RFX3: variants seen among roughly 807,000 people sequenced by gnomAD.
RFX3 encodes regulatory factor X3.
A neutral mutation model predicts 98.6 loss-of-function variants in RFX3; 14 were observed. That is an observed-to-expected ratio of 0.14 (90% CI 0.09 to 0.22). The LOEUF is 0.22. RFX3 is among the 10% of genes least tolerant of loss of function. The pLI is 1.00. For missense variants in RFX3, 639 were observed against 926.9 expected (o/e 0.69, Z 4.03); for synonymous variants, 383 against 328.4 (o/e 1.17, Z -1.80).
At chr9:3,369,388 C>T (rs143751143) in intron 2 of RFX3, among the ~76,000 whole-genome samples, 15 of 152,282 alleles carry the variant, frequency 9.9e-5, no homozygotes, top group Non-Finnish European at 1.8e-4. Context: ...ATCCTCATAA[C>T]CTAATCATTT....
chr9:3,364,407 C>G (rs1587327043), intron 2 of RFX3: 1 of 231,176 alleles, frequency 4.3e-6, no homozygotes, highest in African/African-American at 2.4e-5. Flanking sequence ...AATGGGCGGT[C>G]TTTTTCTTCA....
chr9:3,270,851 A>C, intron 10 of RFX3, 152 bp downstream of exon 10: 1 of 1,024,768 alleles, frequency 9.8e-7, no homozygotes, highest in East Asian at 2.6e-5. Context: ...TCAAGAGAGC[A>C]GTTCATGGTT....
Position 3,346,738 on chromosome 9 carries a change from C to T in RFX3, c.144G>A (p.Gln48=). 6.2e-7 allele frequency: 1 copy of T among 1,613,510 alleles called. No homozygotes were observed. The highest frequency in any genetic ancestry group is 8.5e-7 in the Non-Finnish European group (1 of 1,179,518). The change falls in exon 3 of 17, where the codon CAG becomes CAA. Residue 48 remains glutamine, a synonymous_variant. Transcript: ENST00000617270. ...QQVQQVQTVQ[Q]VQHVYPAQVQ... ...CCTGAGCGGGATAGACATGTTGTACCTGCTGCACAGTCTGTACCTGCTGTA... is the reference window on the plus strand; with the variant it reads ...CCTGAGCGGGATAGACATGTTGTACTTGCTGCACAGTCTGTACCTGCTGTA...
intron 4 of RFX3, among the ~76,000 whole-genome samples, chr9:3,318,098 A>T (rs1357054481): frequency 2.0e-5 from 3 of 152,242 alleles, no homozygotes; most frequent in African/African-American, 7.2e-5. Flanking sequence ...CACTATTCAC[A>T]ATAGCAAAGT....
chr9:3,265,959 A>G (rs1366867976), intron 12 of RFX3, among the ~76,000 whole-genome samples: 1 of 152,082 alleles, frequency 6.6e-6, no homozygotes, highest in Non-Finnish European at 1.5e-5. Context: ...TATTGTTTAG[A>G]AAGAGCTTAT....
chr9:3,339,200 T>C (rs573316799), intron 3 of RFX3, among the ~76,000 whole-genome samples: 2 of 152,158 alleles, frequency 1.3e-5, no homozygotes, highest in South Asian at 4.1e-4. Context: ...CATGATAACA[T>C]TACCAAAATT....
chr9:3,438,135 A>T (rs1400852987), intron 1 of RFX3, among the ~76,000 whole-genome samples: 1 of 152,090 alleles, frequency 6.6e-6, no homozygotes, highest in African/African-American at 2.4e-5. Flanking sequence ...AGAGTCTTGC[A>T]TCAGGGAATG....
In RFX3 at chr9:3,493,621, T is replaced by A. The variant is rs1407778239; in HGVS notation, c.-9+32126A>T. On this transcript the variant is annotated intron_variant, in intron 1 of 16. Coordinates refer to ENST00000617270, the MANE Select transcript of RFX3 (RefSeq NM_001282116.2). Reference sequence around the variant, plus strand: ...ATGGTGTGAACCCAGGAGGCAGAGCTTGCAGTGAGCCAAGATGGCGCCACT... The same window carrying A: ...ATGGTGTGAACCCAGGAGGCAGAGCATGCAGTGAGCCAAGATGGCGCCACT... Among the ~76,000 whole-genome samples the A allele has an allele frequency of 3.4e-5, 5 of 146,890 alleles. No homozygotes were observed. The East Asian group carries it at 1.0e-3, about 29-fold the overall frequency.
Position 3,317,902 on chromosome 9 carries a change from G to A in RFX3, c.474+12357C>T, listed in dbSNP as rs1176524918. On this transcript the variant is annotated intron_variant, in intron 4 of 16. Coordinates refer to ENST00000617270, the MANE Select transcript of RFX3 (RefSeq NM_001282116.2). ...TGCTGGAGAGGATGTGGAGAAATAG[G>A]AACACTTTTACACTGTTGGTGGGAC... Among the ~76,000 whole-genome samples the A allele has an allele frequency of 7.2e-5, 11 of 152,256 alleles. No homozygotes were observed. In the East Asian group the frequency reaches 2.1e-3, roughly 29 times the overall value.
intron 1 of RFX3, among the ~76,000 whole-genome samples, chr9:3,507,012 A>G (rs1436650938): frequency 6.6e-6 from 1 of 151,976 alleles, no homozygotes; most frequent in Non-Finnish European, 1.5e-5. Flanking sequence ...CCAAATTGAC[A>G]ATCTGAAGCT....
chr9:3,423,499 A>G (rs1467064025), intron 1 of RFX3, among the ~76,000 whole-genome samples: 1 of 152,118 alleles, frequency 6.6e-6, no homozygotes, highest in Non-Finnish European at 1.5e-5. Flanking sequence ...GTGAGTCTCA[A>G]CATTGGGCTG....
chr9:3,421,121 G>C (rs984281030), intron 1 of RFX3, among the ~76,000 whole-genome samples: 1 of 151,640 alleles, frequency 6.6e-6, no homozygotes, highest in Non-Finnish European at 1.5e-5. Context: ...TTCAGTGACT[G>C]AGCCAGAACA....
chr9:3,368,041 A>G (rs187971848), intron 2 of RFX3, among the ~76,000 whole-genome samples: 35 of 152,342 alleles, frequency 2.3e-4, no homozygotes, highest in Admixed American at 5.9e-4. Flanking sequence ...AGAATTCAAT[A>G]TTTTGGTAAA....
At chr9:3,266,879 T>G (rs1563828635) in intron 11 of RFX3, among the ~76,000 whole-genome samples, 1 of 152,054 alleles carries the variant, frequency 6.6e-6, no homozygotes, top group Non-Finnish European at 1.5e-5. Context: ...ATTTTCCATT[T>G]CATTTGGCAG....
At chr9:3,394,946 G>T in intron 2 of RFX3, 1 of 440,364 alleles carries the variant, frequency 2.3e-6, no homozygotes, top group Non-Finnish European at 3.0e-6. Flanking sequence ...TAAATAGCTT[G>T]AGTCAGATCT....
At chr9:3,268,741 T>G (rs1823989244) in intron 11 of RFX3, among the ~76,000 whole-genome samples, 1 of 151,908 alleles carries the variant, frequency 6.6e-6, no homozygotes, top group South Asian at 2.1e-4. Context: ...TAAACTAAAA[T>G]TGATACAAGA....
chr9:3,234,706 A>T (rs1311145766), intron 15 of RFX3, among the ~76,000 whole-genome samples: 1 of 152,196 alleles, frequency 6.6e-6, no homozygotes, highest in Non-Finnish European at 1.5e-5. Context: ...CACTTCATTT[A>T]CAAAAACAGA....
chr9:3,279,723 C>G (rs909809425), intron 7 of RFX3, among the ~76,000 whole-genome samples: 1 of 151,802 alleles, frequency 6.6e-6, no homozygotes, highest in African/African-American at 2.4e-5. Context: ...GCAAAATTGT[C>G]TGCTTCCTTA....
intron 1 of RFX3, among the ~76,000 whole-genome samples, chr9:3,522,429 T>C (rs951905821): frequency 6.6e-6 from 1 of 152,168 alleles, no homozygotes; most frequent in Non-Finnish European, 1.5e-5. Context: ...TAAAACAAAA[T>C]AACCAGGAGC....
Sources: allele counts gnomAD v4.1 joint callset (sites outside exome capture counted in the v4.1 genomes callset), GRCh38; gene constraint gnomAD v4.1.1; transcripts MANE v1.5; gene names NCBI Gene and HGNC (gene_info 2026-07-23, HGNC 2026-07-21).